Variants in COL23A1 observed in about 807,000 individuals in gnomAD.
COL23A1 encodes collagen type XXIII alpha 1 chain.
A neutral mutation model predicts 99.3 loss-of-function variants in COL23A1; 97 were observed. That is an observed-to-expected ratio of 0.98 (90% CI 0.83 to 1.16). The LOEUF (loss-of-function observed/expected upper bound fraction) is 1.16. COL23A1 is among the 50% of genes most tolerant of loss of function. COL23A1 has a pLI of 0.00. For synonymous variants in COL23A1, 320 were observed against 308.2 expected (o/e 1.04, Z -0.40); for missense variants, 762 against 757.4 (o/e 1.01, Z -0.07).
chr5:178,419,563 C>T (rs1765488959), intron 2 of COL23A1, among the ~76,000 whole-genome samples: 1 of 152,240 alleles, frequency 6.6e-6, no homozygotes. Context: ...CAGTGGGTTG[C>T]AGACTGGGCA....
chr5:178,382,856 G>A (rs1226310778), intron 2 of COL23A1, among the ~76,000 whole-genome samples: 2 of 152,196 alleles, frequency 1.3e-5, no homozygotes, highest in Admixed American at 6.5e-5. Context: ...AGTGTAAGCC[G>A]TGACTCGGGG....
intron 2 of COL23A1, among the ~76,000 whole-genome samples, chr5:178,406,214 T>TA (rs1378526148): frequency 7.6e-4 from 115 of 150,696 alleles, no homozygotes; most frequent in Admixed American, 5.7e-3. Context: ...AAGAACAAGA[T>TA]AAAAAAAAAC....
chr5:178,317,912 A>G (rs1346783317), intron 2 of COL23A1, among the ~76,000 whole-genome samples: 1 of 152,096 alleles, frequency 6.6e-6, no homozygotes, highest in Non-Finnish European at 1.5e-5. Context: ...CTTATATAAA[A>G]CCACGAGATC....
intron 2 of COL23A1, among the ~76,000 whole-genome samples, chr5:178,546,592 CACTT>C (rs1761592863): frequency 6.6e-6 from 1 of 152,194 alleles, no homozygotes; most frequent in African/African-American, 2.4e-5. Flanking sequence ...GCGCCACTAA[CACTT>C]ACTGGACGAT....
At chr5:178,239,518 G>A (rs553023686) in intron 27 of COL23A1, among the ~76,000 whole-genome samples, 6 of 151,324 alleles carry the variant, frequency 4.0e-5, no homozygotes, top group Admixed American at 2.0e-4. Flanking sequence ...GCCGAGAGCC[G>A]TGTGGCTTCC....
At chr5:178,541,506 T>C (rs1581598347) in intron 2 of COL23A1, among the ~76,000 whole-genome samples, 1 of 151,974 alleles carries the variant, frequency 6.6e-6, no homozygotes, top group Non-Finnish European at 1.5e-5. Flanking sequence ...ACCCAGGAGG[T>C]GGAGGTTGCA....
At chr5:178,390,304 G>T (rs1763899226) in intron 2 of COL23A1, among the ~76,000 whole-genome samples, 1 of 152,226 alleles carries the variant, frequency 6.6e-6, no homozygotes, top group Admixed American at 6.5e-5. Context: ...GGGATGTACG[G>T]TCATTGTAGC....
intron 2 of COL23A1, among the ~76,000 whole-genome samples, chr5:178,362,090 G>A (rs1368500495): frequency 6.6e-6 from 1 of 152,236 alleles, no homozygotes; most frequent in South Asian, 2.1e-4. Context: ...AGGCTTCCTA[G>A]GTCCAACTTT....
intron 18 of COL23A1, among the ~76,000 whole-genome samples, chr5:178,249,751 C>CTCTCTCTCTT (rs1764930238): frequency 1.5e-5 from 2 of 135,384 alleles, no homozygotes; most frequent in Non-Finnish European, 3.2e-5. Context: ...CTCTCTCTCT[C>CTCTCTCTCTT]GAATTGGGGC....
At chr5:178,273,066 G>A (rs1166808639) in intron 5 of COL23A1, among the ~76,000 whole-genome samples, 2 of 152,228 alleles carry the variant, frequency 1.3e-5, no homozygotes, top group African/African-American at 4.8e-5. Flanking sequence ...CCGCGGTGCT[G>A]TCTGGCCTCC....
Position 178,502,055 on chromosome 5 carries a change from C to T in COL23A1, c.361+58627G>A, listed in dbSNP as rs149770325. Among the ~76,000 whole-genome samples, 263 of 152,360 alleles carry T rather than the reference C, an allele frequency of 1.7e-3. 2 individuals carry two copies. Among genetic ancestry groups the T allele is most frequent in the Admixed American group, 0.015 (237 of 15,312 alleles). ...AGCATAGAAAAGAAGATAAGAATCA[C>T]GCTACCTTCTTAAGCTGCTTCCATG... On this transcript the variant is annotated intron_variant, in intron 2 of 28. Coordinates refer to ENST00000390654, the MANE Select transcript of COL23A1 (RefSeq NM_173465.4).
chr5:178,543,711 C>G (rs986376084), intron 2 of COL23A1, among the ~76,000 whole-genome samples: 1 of 152,114 alleles, frequency 6.6e-6, no homozygotes, highest in Non-Finnish European at 1.5e-5. Context: ...TTCACCAAAA[C>G]GGCCTGTCTT....
Position 178,252,618 on chromosome 5 carries a change from G to A in COL23A1, c.961-21C>T, listed in dbSNP as rs374090637. ...GGCCCCTGTGTGTGAGAGTGAAGCC[G>A]GTCAGTGTCATGGGTTAGGCAGGGC... On this transcript the variant is annotated intron_variant, in intron 16 of 28. Coordinates refer to ENST00000390654, the MANE Select transcript of COL23A1 (RefSeq NM_173465.4). 27 of 1,601,408 alleles carry A rather than the reference G, an allele frequency of 1.7e-5. No individual in the cohort carries two copies. The African/African-American group carries it at 2.3e-4, about 13-fold the overall frequency.
At chr5:178,557,641 G>A (rs1762347774) in intron 2 of COL23A1, among the ~76,000 whole-genome samples, 1 of 152,204 alleles carries the variant, frequency 6.6e-6, no homozygotes, top group Non-Finnish European at 1.5e-5. Flanking sequence ...GCTGCTAGGT[G>A]GGGAGCTGCG....
intron 2 of COL23A1, among the ~76,000 whole-genome samples, chr5:178,398,454 C>T (rs1561936272): frequency 6.6e-6 from 1 of 152,072 alleles, no homozygotes; most frequent in Non-Finnish European, 1.5e-5. Flanking sequence ...TGGCAAAAAC[C>T]CATCTCTACT....
intron 1 of COL23A1, among the ~76,000 whole-genome samples, chr5:178,567,861 A>G (rs887103334): frequency 6.6e-6 from 1 of 152,242 alleles, no homozygotes; most frequent in African/African-American, 2.4e-5. Flanking sequence ...GAGAGAAGAG[A>G]TAAAACTTCC....
intron 2 of COL23A1, among the ~76,000 whole-genome samples, chr5:178,321,771 G>C (rs1759329940): frequency 6.6e-6 from 1 of 151,710 alleles, no homozygotes; most frequent in South Asian, 2.1e-4. Context: ...TTACAGGCGT[G>C]AGCCACCGCG....
At chr5:178,257,856 C>A (rs757262555) in intron 12 of COL23A1, among the ~76,000 whole-genome samples, 2 of 152,224 alleles carry the variant, frequency 1.3e-5, no homozygotes, top group African/African-American at 2.4e-5. Flanking sequence ...GGCCAGGCAG[C>A]TGAGGTCCCT....
At chr5:178,334,168 G>A (rs1261271221) in intron 2 of COL23A1, among the ~76,000 whole-genome samples, 1 of 152,192 alleles carries the variant, frequency 6.6e-6, no homozygotes, top group Admixed American at 6.5e-5. Flanking sequence ...GCTCTCTGGA[G>A]TGCGGCTGTG....
Sources: gnomAD v4.1 joint callset for allele counts (sites outside exome capture counted in the v4.1 genomes callset) on GRCh38, gnomAD v4.1.1 for gene constraint, MANE v1.5 for transcripts, NCBI Gene and HGNC (gene_info 2026-07-23, HGNC 2026-07-21) for gene names.